Variants in TEX9 observed in about 807,000 individuals in gnomAD.
TEX9 encodes testis-expressed protein 9.
A neutral mutation model predicts 59.6 loss-of-function variants in TEX9; 74 were observed. The ratio of observed to expected loss-of-function variants is 1.24; its 90% CI spans 1.03 to 1.51. The LOEUF (loss-of-function observed/expected upper bound fraction) is 1.51. TEX9 is among the 40% of genes most tolerant of loss of function. The pLI is 0.00. For synonymous variants in TEX9, 186 were observed against 152.2 expected (o/e 1.22, Z -1.64); for missense variants, 522 against 447.8 (o/e 1.17, Z -1.49).
chr15:56,332,526 G>A (rs1235909547), intron 1 of TEX9, among the ~76,000 whole-genome samples: 2 of 151,692 alleles, frequency 1.3e-5, no homozygotes, highest in Non-Finnish European at 2.9e-5. Flanking sequence ...GCTAGATCAC[G>A]AGTTAGTGGG....
At chr15:56,435,404 A>G (rs2050704823) in intron 12 of TEX9, among the ~76,000 whole-genome samples, 3 of 151,992 alleles carry the variant, frequency 2.0e-5, no homozygotes. Context: ...TTATCAGTGA[A>G]ATGGACAGAC....
intron 12 of TEX9, chr15:56,429,259 C>T (rs1402034474): frequency 4.0e-6 from 4 of 1,009,032 alleles, no homozygotes; most frequent in Admixed American, 2.3e-5. Context: ...GCTTTTAAGA[C>T]TGACAGACAT....
chr15:56,429,899 TCAAATCC>T (rs1159741628), intron 12 of TEX9: 1 of 152,172 alleles, frequency 6.6e-6, no homozygotes, highest in African/African-American at 2.4e-5. Context: ...TACAAAAATA[TCAAATCC>T]CAAAGAAAGA....
chr15:56,431,148 A>G (rs1240860590), intron 12 of TEX9, among the ~76,000 whole-genome samples: 1 of 152,128 alleles, frequency 6.6e-6, no homozygotes, highest in East Asian at 1.9e-4. Context: ...ATAAGGTACA[A>G]ATTCAGTAAA....
chr15:56,344,112 T>C (rs2046421502), intron 1 of TEX9, among the ~76,000 whole-genome samples: 1 of 152,158 alleles, frequency 6.6e-6, no homozygotes, highest in South Asian at 2.1e-4. Flanking sequence ...GTTTGATAGT[T>C]CTTGAAATGG....
intron 1 of TEX9, among the ~76,000 whole-genome samples, chr15:56,284,652 T>TAA (rs2044902339): frequency 6.6e-6 from 1 of 152,190 alleles, no homozygotes; most frequent in East Asian, 1.9e-4. Flanking sequence ...AACATGCCTC[T>TAA]TTACCAGTAT....
chr15:56,398,300 T>A (rs1190768454), intron 9 of TEX9: 1 of 151,198 alleles, frequency 6.6e-6, no homozygotes, highest in East Asian at 1.9e-4. Context: ...ATATATTAGG[T>A]TAAGTGAAAT....
At chr15:56,256,772 A>C (rs2044154314) in intron 1 of TEX9, among the ~76,000 whole-genome samples, 1 of 152,000 alleles carries the variant, frequency 6.6e-6, no homozygotes, top group Non-Finnish European at 1.5e-5. Flanking sequence ...TTATTTATTT[A>C]TTTGTTTCTT....
At chr15:56,311,962 A>G (rs2141631128) in intron 1 of TEX9, among the ~76,000 whole-genome samples, 1 of 149,594 alleles carries the variant, frequency 6.7e-6, no homozygotes, top group East Asian at 2.0e-4. Flanking sequence ...GTGTCTGTTC[A>G]TGTCCTTTGC....
intron 12 of TEX9, chr15:56,428,709 G>C (rs1465116580): frequency 5.4e-6 from 2 of 369,180 alleles, no homozygotes; most frequent in Non-Finnish European, 9.6e-6. Flanking sequence ...CCTTACAGTA[G>C]ACCAAAAAAG....
chr15:56,287,659 G>C (rs2044985241), intron 1 of TEX9, among the ~76,000 whole-genome samples: 1 of 151,800 alleles, frequency 6.6e-6, no homozygotes, highest in South Asian at 2.1e-4. Context: ...TTTGTCTTTT[G>C]ACCAATATCT....
At chr15:56,423,619 A>G (rs995068782) in intron 10 of TEX9, among the ~76,000 whole-genome samples, 1 of 152,060 alleles carries the variant, frequency 6.6e-6, no homozygotes, top group African/African-American at 2.4e-5. Context: ...ACCACAATCA[A>G]TTTTGCAATT....
the TEX9 span, among the ~76,000 whole-genome samples, chr15:56,455,264 A>C: frequency 1.0e-4 from 14 of 133,946 alleles, no homozygotes; most frequent in African/African-American, 2.3e-4. Context: ...AAAAAAAAAA[A>C]AAAAAAACCA....
chr15:56,414,677 A>C (rs2049582928), intron 10 of TEX9, among the ~76,000 whole-genome samples: 1 of 151,768 alleles, frequency 6.6e-6, no homozygotes, highest in South Asian at 2.1e-4. Flanking sequence ...TGTCCTTGCT[A>C]TTGTGACTAG....
At chr15:56,400,763 C>G (rs1472868400) in intron 9 of TEX9, among the ~76,000 whole-genome samples, 2 of 152,196 alleles carry the variant, frequency 1.3e-5, no homozygotes, top group East Asian at 1.9e-4. Flanking sequence ...CAAAGGGAAG[C>G]CCATCAGACT....
intron 1 of TEX9, among the ~76,000 whole-genome samples, chr15:56,283,664 T>C (rs775676403): frequency 1.3e-5 from 2 of 152,158 alleles, no homozygotes; most frequent in Admixed American, 6.6e-5. Flanking sequence ...AAAATAAATG[T>C]TAGTATTTAT....
At chr15:56,374,939 G>A (rs1423176904) in intron 3 of TEX9, among the ~76,000 whole-genome samples, 3 of 152,018 alleles carry the variant, frequency 2.0e-5, no homozygotes, top group Non-Finnish European at 2.9e-5. Context: ...TTTATTTATC[G>A]ATTCATCTGT....
intron 1 of TEX9, among the ~76,000 whole-genome samples, chr15:56,272,013 G>A (rs2044545718): frequency 6.6e-6 from 1 of 151,918 alleles, no homozygotes; most frequent in African/African-American, 2.4e-5. Context: ...GCATGGGGGT[G>A]GGCACCGGTA....
At chr15:56,427,929 A>C (rs1202120987) in intron 11 of TEX9, among the ~76,000 whole-genome samples, 190 bp downstream of exon 11, 1 of 152,126 alleles carries the variant, frequency 6.6e-6, no homozygotes, top group African/African-American at 2.4e-5. Flanking sequence ...AAGCAAGTGG[A>C]TATTTTCACA....
Sources: gnomAD v4.1 joint callset for allele counts (sites outside exome capture counted in the v4.1 genomes callset) on GRCh38, gnomAD v4.1.1 for gene constraint, MANE v1.5 for transcripts, NCBI Gene and HGNC (gene_info 2026-07-23, HGNC 2026-07-21) for gene names.